Variants in FRMD4A observed in about 807,000 individuals in gnomAD.
The protein encoded by FRMD4A is FERM domain containing 4A.
Under a neutral mutation model 129.1 loss-of-function variants are expected in FRMD4A, and 29 were observed. That is an observed-to-expected ratio of 0.22 (90% CI 0.17 to 0.31). FRMD4A has a LOEUF of 0.31. Ranked by LOEUF, FRMD4A falls within the 10% of genes least tolerant of loss-of-function variation. The probability of loss-of-function intolerance (pLI) is 1.00; values close to 1 mark genes in which losing one functional copy is unlikely to be tolerated. For missense variants in FRMD4A, 1,272 were observed against 1,375.8 expected (o/e 0.92, Z 1.19); for synonymous variants, 634 against 571.6 (o/e 1.11, Z -1.56).
intron 3 of FRMD4A, among the ~76,000 whole-genome samples, chr10:13,837,986 T>C (rs1465749929): frequency 6.6e-6 from 1 of 152,234 alleles, no homozygotes; most frequent in African/African-American, 2.4e-5. Flanking sequence ...TTAGCTCTTC[T>C]AGAACCTTCC....
chr10:14,004,861 C>G (rs1452246736), intron 2 of FRMD4A, among the ~76,000 whole-genome samples: 1 of 152,202 alleles, frequency 6.6e-6, no homozygotes, highest in African/African-American at 2.4e-5. Flanking sequence ...TCACCCCACC[C>G]TGCTGCTTTC....
chr10:14,261,252 T>A (rs1483855116), intron 2 of FRMD4A, among the ~76,000 whole-genome samples: 1 of 152,216 alleles, frequency 6.6e-6, no homozygotes, highest in African/African-American at 2.4e-5. Flanking sequence ...TTTGCAAATA[T>A]GATCACCATT....
intron 8 of FRMD4A, among the ~76,000 whole-genome samples, chr10:13,753,774 G>T (rs1564745258): frequency 6.6e-6 from 1 of 151,912 alleles, no homozygotes; most frequent in South Asian, 2.1e-4. Flanking sequence ...TGAACTCCTG[G>T]GCTCAAGCAA....
intron 2 of FRMD4A, among the ~76,000 whole-genome samples, chr10:14,312,256 A>C (rs1400651376): frequency 6.6e-6 from 1 of 152,216 alleles, no homozygotes; most frequent in Non-Finnish European, 1.5e-5. Context: ...TGAATTCTGT[A>C]GACATTTAAT....
At chr10:14,273,995 T>G (rs1845253329) in intron 2 of FRMD4A, among the ~76,000 whole-genome samples, 1 of 151,938 alleles carries the variant, frequency 6.6e-6, no homozygotes, top group African/African-American at 2.4e-5. Context: ...CTGAGGGAGA[T>G]GGTGGGGGGA....
chr10:14,276,391 C>T lies in FRMD4A; in HGVS notation c.45+53667G>A, dbSNP rs535353811. Among the ~76,000 whole-genome samples the T allele has an allele frequency of 2.4e-4, 37 of 152,246 alleles. No individual in the cohort carries two copies. The South Asian group carries it at 7.3e-3, about 30-fold the overall frequency. On this transcript the variant is annotated intron_variant, in intron 2 of 24. Transcript: ENST00000357447. Reference sequence around the variant, plus strand: ...CCTCTGTGTGGCCTCCCAAGAAGGGCCACAAGAGCCACTTGGCACAAACCT... The same window carrying T: ...CCTCTGTGTGGCCTCCCAAGAAGGGTCACAAGAGCCACTTGGCACAAACCT...
In FRMD4A at chr10:14,241,435, A is replaced by T. The variant is rs566405510; in HGVS notation, c.45+88623T>A. ...TTCAGGACAACTTTGTATTCAGGTG[A>T]GCCTGATTATTCAACACTAAGATTT... On this transcript the variant is annotated intron_variant, in intron 2 of 24. Coordinates refer to ENST00000357447, the MANE Select transcript of FRMD4A (RefSeq NM_018027.5). Among the ~76,000 whole-genome samples, 8 of 152,238 alleles carry T rather than the reference A, an allele frequency of 5.3e-5. No homozygotes were observed. The South Asian group carries it at 1.7e-3, about 32-fold the overall frequency.
At chr10:13,892,377 T>C (rs907340290) in intron 2 of FRMD4A, among the ~76,000 whole-genome samples, 1 of 152,138 alleles carries the variant, frequency 6.6e-6, no homozygotes, top group Non-Finnish European at 1.5e-5. Context: ...CCGAGGCATG[T>C]GGCTATTGTC....
chr10:13,887,535 T>G (rs748338370), intron 2 of FRMD4A, among the ~76,000 whole-genome samples: 1 of 151,978 alleles, frequency 6.6e-6, no homozygotes, highest in Non-Finnish European at 1.5e-5. Context: ...AAAAATTAGC[T>G]GGGCGTAGTG....
At chr10:14,203,892 C>T (rs1410035939) in intron 2 of FRMD4A, among the ~76,000 whole-genome samples, 1 of 152,224 alleles carries the variant, frequency 6.6e-6, no homozygotes, top group Non-Finnish European at 1.5e-5. Flanking sequence ...CTCAGCCAAT[C>T]GTTCTTCCTC....
chr10:13,703,850 A>C (rs896989839), intron 13 of FRMD4A, among the ~76,000 whole-genome samples: 2 of 152,118 alleles, frequency 1.3e-5, no homozygotes, highest in East Asian at 1.9e-4. Flanking sequence ...ACTAAAAATA[A>C]AAAAATTAGC....
intron 2 of FRMD4A, among the ~76,000 whole-genome samples, chr10:13,934,727 A>C (rs2095233933): frequency 6.6e-6 from 1 of 152,224 alleles, no homozygotes; most frequent in South Asian, 2.1e-4. Flanking sequence ...TTTTGGTTTC[A>C]TTTCAGATAA....
intron 2 of FRMD4A, among the ~76,000 whole-genome samples, chr10:13,944,320 A>T (rs1044295208): frequency 1.3e-5 from 2 of 152,048 alleles, no homozygotes; most frequent in African/African-American, 4.8e-5. Flanking sequence ...CTTGCCAGGG[A>T]TGTAGGCTGC....
intron 2 of FRMD4A, among the ~76,000 whole-genome samples, chr10:14,051,665 G>A (rs1281060220): frequency 6.6e-6 from 1 of 152,212 alleles, no homozygotes; most frequent in East Asian, 1.9e-4. Context: ...GCTCTTTCAT[G>A]GCAGGGTTGG....
At chr10:14,094,880 C>T (rs1836863994) in intron 2 of FRMD4A, among the ~76,000 whole-genome samples, 1 of 152,100 alleles carries the variant, frequency 6.6e-6, no homozygotes, top group East Asian at 1.9e-4. Context: ...GACATATGTG[C>T]ATGTATGTAT....
At chr10:13,826,593 A>T (rs548154226) in intron 3 of FRMD4A, among the ~76,000 whole-genome samples, 1 of 152,120 alleles carries the variant, frequency 6.6e-6, no homozygotes, top group Non-Finnish European at 1.5e-5. Flanking sequence ...AAGTTCCCTA[A>T]GTGCTCTCCC....
At chr10:13,695,348 C>G (rs971305781) in intron 14 of FRMD4A, among the ~76,000 whole-genome samples, 2 of 152,090 alleles carry the variant, frequency 1.3e-5, no homozygotes, top group African/African-American at 4.8e-5. Flanking sequence ...GCCATGTTGG[C>G]CAGGCTGGTC....
intron 2 of FRMD4A, among the ~76,000 whole-genome samples, chr10:13,981,514 G>C (rs898152777): frequency 5.3e-5 from 8 of 151,992 alleles, no homozygotes; most frequent in African/African-American, 1.9e-4. Context: ...GCCGAGGCAG[G>C]CGGATCATGA....
At chr10:13,666,014 C>G in intron 18 of FRMD4A, 83 bp downstream of exon 18, 1 of 794,068 alleles carries the variant, frequency 1.3e-6, no homozygotes. Flanking sequence ...TCAGGTCGTG[C>G]AGGGACCACT....
Sources: allele counts gnomAD v4.1 joint callset (sites outside exome capture counted in the v4.1 genomes callset), GRCh38; gene constraint gnomAD v4.1.1; transcripts MANE v1.5; gene names NCBI Gene and HGNC (gene_info 2026-07-23, HGNC 2026-07-21).